The following GIGYF2 variants were observed in gnomAD, a reference collection of about 807,000 sequenced individuals.
GIGYF2 encodes GRB10 interacting GYF protein 2.
A neutral mutation model predicts 208.1 loss-of-function variants in GIGYF2; 25 were observed. The ratio of observed to expected loss-of-function variants is 0.12; its 90% CI spans 0.09 to 0.17. The LOEUF (loss-of-function observed/expected upper bound fraction) is 0.17, where lower values mean the gene tolerates loss of function less well. Ranked by LOEUF, GIGYF2 falls within the 10% of genes least tolerant of loss-of-function variation. GIGYF2 has a pLI of 1.00. For synonymous variants in GIGYF2, 534 were observed against 543.8 expected (o/e 0.98, Z 0.25); for missense variants, 1,302 against 1,579.4 (o/e 0.82, Z 2.98).
chr2:232,773,953 T>C (rs1239697179), intron 8 of GIGYF2, among the ~76,000 whole-genome samples: 1 of 145,906 alleles, frequency 6.9e-6, no homozygotes, highest in Non-Finnish European at 1.5e-5. Context: ...AGTTTCACAG[T>C]AATAAGTATC....
chr2:232,726,359 G>C (rs1007362143), intron 2 of GIGYF2, among the ~76,000 whole-genome samples: 1 of 132,450 alleles, frequency 7.6e-6, no homozygotes, highest in Non-Finnish European at 1.6e-5. Flanking sequence ...ACAGAGCAAG[G>C]CTCTGTCTCA....
intron 28 of GIGYF2, among the ~76,000 whole-genome samples, chr2:232,853,722 T>C (rs1446849550): frequency 6.6e-6 from 1 of 152,264 alleles, no homozygotes; most frequent in African/African-American, 2.4e-5. Flanking sequence ...AGTGAGACTA[T>C]GCTCTGAACC....
intron 9 of GIGYF2, among the ~76,000 whole-genome samples, chr2:232,787,713 GTT>G (rs1248096548): frequency 6.6e-6 from 1 of 152,060 alleles, no homozygotes; most frequent in Non-Finnish European, 1.5e-5. Flanking sequence ...AACAATGAGT[GTT>G]TTTCCTAACA....
In GIGYF2 at chr2:232,806,717, T is replaced by C. The variant is rs1700573379; in HGVS notation, c.1806+60T>C. The C allele has an allele frequency of 8.5e-7, 1 of 1,174,356 alleles. No individual in the cohort carries two copies. Among genetic ancestry groups the C allele is most frequent in the Admixed American group, 1.7e-5 (1 of 59,458 alleles). The allele number at this position is 1,174,356 out of a possible 1,614,324, so 72.7% of individuals were successfully genotyped here. On this transcript the variant is annotated intron_variant, in intron 15 of 28. Transcript: ENST00000373563. The surrounding 1 kb of genome is among the most constrained non-coding windows in gnomAD (Gnocchi z 4.0). ...AGTCACGGAAACACTTGATTCTCTT[T>C]GAAAACACAACCCAAATATATCATC...
rs367558030 is a variant in GIGYF2, at chr2:232,791,109, G to A, written c.1032G>A (p.Glu344=). Residue 344 remains glutamate (E), a synonymous_variant, in exon 11 of 29, where the codon GAG becomes GAA. Coordinates refer to ENST00000373563, the MANE Select transcript of GIGYF2 (RefSeq NM_001103146.3). ...ACTCTGAGGGTAGCCATAATGAAGA[G>A]GCCAAAGAACCCGATAAGACAAATA... The part of the protein sequence containing the change: ...CSDSEGSHNE[E]AKEPDKTNKK... 5.9e-5 allele frequency: 95 copies of A among 1,613,928 alleles called. No individual in the cohort carries two copies. The highest frequency in any genetic ancestry group is 7.4e-5 in the Non-Finnish European group (87 of 1,179,998).
intron 27 of GIGYF2, among the ~76,000 whole-genome samples, chr2:232,847,890 T>C (rs1013914160): frequency 2.0e-5 from 3 of 152,218 alleles, no homozygotes; most frequent in Admixed American, 2.0e-4. Context: ...AAACTTAAAA[T>C]GTTGAATTTT....
Position 232,821,813 on chromosome 2 carries a change from T to C in GIGYF2, c.2529+1828T>C, listed in dbSNP as rs572989342. Among the ~76,000 whole-genome samples, 16 of 152,254 alleles carry C rather than the reference T, an allele frequency of 1.1e-4. 1 individual carries two copies. In the South Asian group the frequency reaches 3.3e-3, roughly 32 times the overall value. ...TTTTAAAGCTTTATAGTTTTCGTTT[T>C]ACAAATAGTTTGAATTGTTTTTTCT... On this transcript the variant is annotated intron_variant, in intron 21 of 28. Coordinates refer to ENST00000373563, the MANE Select transcript of GIGYF2 (RefSeq NM_001103146.3).
intron 13 of GIGYF2, among the ~76,000 whole-genome samples, chr2:232,795,335 C>T (rs548152366): frequency 0.014 from 2,064 of 152,216 alleles, 21 homozygotes; most frequent in Non-Finnish European, 0.021. Context: ...TTATTCATGT[C>T]TCTAAATTTC....
chr2:232,822,568 T>C (rs907513497), intron 21 of GIGYF2, among the ~76,000 whole-genome samples: 6 of 151,958 alleles, frequency 3.9e-5, no homozygotes, highest in Non-Finnish European at 5.9e-5. Flanking sequence ...GTAATCCCAG[T>C]TACTTGGGTG....
chr2:232,794,115 C>T (rs1012672195), intron 12 of GIGYF2, among the ~76,000 whole-genome samples: 2 of 152,124 alleles, frequency 1.3e-5, no homozygotes, highest in Admixed American at 6.5e-5. Flanking sequence ...GGGGAAACTG[C>T]GATTATACCT....
chr2:232,854,592 G>C (rs1690481597), intron 28 of GIGYF2, among the ~76,000 whole-genome samples: 1 of 152,106 alleles, frequency 6.6e-6, no homozygotes, highest in Non-Finnish European at 1.5e-5. Context: ...ACAGTTGATG[G>C]GGTCAAACTC....
chr2:232,853,254 A>G (rs1350030748), intron 28 of GIGYF2, among the ~76,000 whole-genome samples: 1 of 152,204 alleles, frequency 6.6e-6, no homozygotes, highest in Admixed American at 6.5e-5. Flanking sequence ...AAAAGCAGTC[A>G]CTGATGGAAA....
At chr2:232,821,553 A>T (rs1207122167) in intron 21 of GIGYF2, among the ~76,000 whole-genome samples, 1 of 151,986 alleles carries the variant, frequency 6.6e-6, no homozygotes, top group Non-Finnish European at 1.5e-5. Flanking sequence ...TTTAGCTCTT[A>T]CTTTTAGTTT....
At chr2:232,767,062 A>C (rs986106356) in intron 8 of GIGYF2, 5 of 152,210 alleles carry the variant, frequency 3.3e-5, no homozygotes, top group African/African-American at 1.2e-4. Context: ...TAAAATAAAA[A>C]ACAGAGGAAA....
At chr2:232,853,146 A>G (rs781636223) in intron 28 of GIGYF2, among the ~76,000 whole-genome samples, 2 of 152,166 alleles carry the variant, frequency 1.3e-5, no homozygotes, top group Admixed American at 1.3e-4. Context: ...TTTAATTTAC[A>G]TATTTCATAT....
chr2:232,838,625 G>A (rs1406653228), intron 22 of GIGYF2, among the ~76,000 whole-genome samples: 1 of 152,154 alleles, frequency 6.6e-6, no homozygotes, highest in Non-Finnish European at 1.5e-5. Context: ...GATTAGGTGT[G>A]GTGGAGCCAG....
chr2:232,715,064 T>C (rs1357762445), intron 2 of GIGYF2, among the ~76,000 whole-genome samples: 2 of 152,204 alleles, frequency 1.3e-5, no homozygotes, highest in African/African-American at 4.8e-5. Context: ...ATTGGTTTGC[T>C]AAGGATAATG....
At chr2:232,789,787 A>C (rs1337360966) in intron 9 of GIGYF2, among the ~76,000 whole-genome samples, 1 of 152,104 alleles carries the variant, frequency 6.6e-6, no homozygotes, top group Non-Finnish European at 1.5e-5. Flanking sequence ...TTTCTTTTTA[A>C]GACTCTTTTA....
rs956864240 is a variant in GIGYF2 at position 232,859,943 on chromosome 2, A to G, written c.*3083A>G. 6.6e-6 allele frequency: 1 copy of G among 152,106 alleles called. No individual in the cohort carries two copies. 9.4% of individuals were successfully genotyped at this position (152,106 alleles called of 1,614,324 possible). A position where few individuals can be genotyped will look rare whatever the true frequency, so the allele number is the denominator to read the frequency against. Reference sequence around the variant, plus strand: ...CACTTCTGTGACACTGTGTTGCATCAAAGTAGTCACAAACCCACTCAGATT... The same window carrying G: ...CACTTCTGTGACACTGTGTTGCATCGAAGTAGTCACAAACCCACTCAGATT... On this transcript the variant is annotated 3_prime_UTR_variant, in exon 29 of 29. Coordinates refer to ENST00000373563, the MANE Select transcript of GIGYF2 (RefSeq NM_001103146.3).
Sources: allele counts gnomAD v4.1 joint callset (sites outside exome capture counted in the v4.1 genomes callset), GRCh38; gene constraint gnomAD v4.1.1; non-coding constraint Gnocchi (gnomAD v3.1); transcripts MANE v1.5; gene names NCBI Gene and HGNC (gene_info 2026-07-23, HGNC 2026-07-21).